Variants in FRAS1 observed in about 807,000 individuals in gnomAD.
FRAS1 encodes extracellular matrix organizing protein FRAS1.
In FRAS1, 290 loss-of-function variants were observed where a neutral mutation model predicts 435.2. The observed-to-expected ratio is 0.67, with a 90% CI of 0.61 to 0.73. The LOEUF (loss-of-function observed/expected upper bound fraction) is 0.73, where lower values mean the gene tolerates loss of function less well. Ranked by LOEUF, FRAS1 falls within the 30% of genes least tolerant of loss-of-function variation. The probability of loss-of-function intolerance (pLI) is 0.00; values close to 1 mark genes in which losing one functional copy is unlikely to be tolerated. For missense variants in FRAS1, 4,860 were observed against 5,001.5 expected (o/e 0.97, Z 0.85); for synonymous variants, 1,800 against 1,851.0 (o/e 0.97, Z 0.71).
chr4:78,475,695 C>T, intron 54 of FRAS1, 89 bp downstream of exon 54: 1 of 1,314,700 alleles, frequency 7.6e-7, no homozygotes, highest in Non-Finnish European at 1.0e-6. Flanking sequence ...TTCTTCCCAA[C>T]TTTGCTTTTC....
chr4:78,378,427 C>T (rs1731870259), intron 26 of FRAS1, among the ~76,000 whole-genome samples: 1 of 152,160 alleles, frequency 6.6e-6, no homozygotes, highest in African/African-American at 2.4e-5. Context: ...TTTCAATTCT[C>T]TTGGGTTTAT....
At chr4:78,401,446 G>A (rs1281753940) in intron 30 of FRAS1, among the ~76,000 whole-genome samples, 5 of 152,186 alleles carry the variant, frequency 3.3e-5, no homozygotes, top group African/African-American at 9.7e-5. Flanking sequence ...CAAGGATAGA[G>A]AGAAATCTCC....
intron 42 of FRAS1, 147 bp downstream of exon 42, chr4:78,445,859 A>T: frequency 7.3e-7 from 1 of 1,375,314 alleles, no homozygotes; most frequent in South Asian, 2.2e-5. Context: ...AGCCTTCAGG[A>T]ATCTTGTAGA....
intron 30 of FRAS1, 83 bp from the exon 31 acceptor site, chr4:78,407,580 A>G (rs1436222726): frequency 8.5e-7 from 1 of 1,170,304 alleles, no homozygotes; most frequent in South Asian, 1.7e-5. Flanking sequence ...CTAGTTAAAA[A>G]AAAAATGAGT....
At chr4:78,202,297 GC>G in intron 2 of FRAS1, among the ~76,000 whole-genome samples, 1 of 152,272 alleles carries the variant, frequency 6.6e-6, no homozygotes, top group South Asian at 2.1e-4. Context: ...CCAAATTCGT[GC>G]CCCCTCATTA....
intron 72 of FRAS1, 71 bp from the exon 73 acceptor site, chr4:78,539,223 A>G (rs1721975636): frequency 6.8e-7 from 1 of 1,477,862 alleles, no homozygotes; most frequent in African/African-American, 1.4e-5. Context: ...TTCTCCTCCC[A>G]GTCACTGCCA....
chr4:78,499,350 T>G (rs1187609047), intron 60 of FRAS1, among the ~76,000 whole-genome samples: 2 of 152,208 alleles, frequency 1.3e-5, no homozygotes, highest in Non-Finnish European at 2.9e-5. Flanking sequence ...CAGGTATTTA[T>G]CTAGGGCCTA....
At chr4:78,101,352 C>T (rs1433347068) in intron 2 of FRAS1, among the ~76,000 whole-genome samples, 4 of 152,008 alleles carry the variant, frequency 2.6e-5, no homozygotes, top group Non-Finnish European at 5.9e-5. Flanking sequence ...ATTTTTTTCA[C>T]ATATAGGCAT....
At chr4:78,226,557 A>G (rs1212760348) in intron 2 of FRAS1, among the ~76,000 whole-genome samples, 1 of 151,334 alleles carries the variant, frequency 6.6e-6, no homozygotes, top group Non-Finnish European at 1.5e-5. Context: ...GTTAGCTATC[A>G]GTTTTGGCAT....
At chr4:78,467,834 G>A (rs1325685930) in intron 50 of FRAS1, among the ~76,000 whole-genome samples, 1 of 152,152 alleles carries the variant, frequency 6.6e-6, no homozygotes, top group Non-Finnish European at 1.5e-5. Context: ...GTGATATTGA[G>A]CGTCTTTTCA....
At chr4:78,072,527 A>G (rs1350280448) in intron 2 of FRAS1, among the ~76,000 whole-genome samples, 1 of 152,122 alleles carries the variant, frequency 6.6e-6, no homozygotes, top group African/African-American at 2.4e-5. Flanking sequence ...AAACATCTTG[A>G]ACTTCTCCAG....
At chr4:78,229,792 C>T (rs1724443835) in intron 2 of FRAS1, among the ~76,000 whole-genome samples, 1 of 152,032 alleles carries the variant, frequency 6.6e-6, no homozygotes, top group South Asian at 2.1e-4. Context: ...GGACAATTCA[C>T]TCTGCCTTTT....
chr4:78,335,903 GT>G (rs3086784), intron 19 of FRAS1, among the ~76,000 whole-genome samples: 15,303 of 134,982 alleles, frequency 0.11, 1,043 homozygotes, highest in East Asian at 0.27. Flanking sequence ...GTGTGTGGTG[GT>G]TTTTTTTTTT....
In FRAS1 at chr4:78,511,322, G is replaced by A; in HGVS notation, c.9829G>A (p.Ala3277Thr). ...CCGGAGGTTCCATGTGCGTTGTGTG[G>A]CCAAGGCTGTGGACAAGGTGGGCCA... is the stretch of plus-strand genomic sequence containing the variant. ...FSRRFHVRCV[A>T]KAVDKVGHVG... The change falls in exon 64 of 74, where the codon GCC becomes ACC. Residue 3277 changes from alanine (A) to threonine (T), a missense_variant. Ala to Thr is a moderately conservative substitution (Grantham distance 58). Transcript: ENST00000512123. 7 of 1,612,672 alleles carry A rather than the reference G, an allele frequency of 4.3e-6. No individual in the cohort carries two copies. The highest frequency in any genetic ancestry group is 5.9e-6 in the Non-Finnish European group (7 of 1,178,942).
rs781132528 is a variant in FRAS1 at position 78,464,539 on chromosome 4, A to T, written c.6985A>T (p.Thr2329Ser). The stretch of plus-strand genomic sequence containing the variant: ...GCGGGTGCAGGAGGGCATGAGGAAG[A>T]CCATCACAGAGTTTGAGCTTAAGGC... Reference protein sequence around the residue: ...GMRVQEGMRKTITEFELKAVD... With the variant: ...GMRVQEGMRKSITEFELKAVD... The change falls in exon 49 of 74, where the codon ACC becomes TCC. Residue 2329 changes from threonine to serine, a missense_variant. Transcript: ENST00000512123. 3.7e-6 allele frequency: 6 copies of T among 1,613,930 alleles called. No individual in the cohort carries two copies. The East Asian group carries it at 1.1e-4, about 30-fold the overall frequency.
chr4:78,403,525 A>G (rs1732982669), intron 30 of FRAS1, among the ~76,000 whole-genome samples: 1 of 152,204 alleles, frequency 6.6e-6, no homozygotes, highest in Non-Finnish European at 1.5e-5. Context: ...CCAATTACGT[A>G]AATTTGTGGA....
Position 78,369,930 on chromosome 4 carries a change from T to A in FRAS1, c.2815T>A (p.Tyr939Asn), listed in dbSNP as rs777480818. ...GGTTCTGCTCTTTGGGGAATGTCAATACGAGAGCTGCGCCCCACAGTACTA... is the reference window on the plus strand; with the variant it reads ...GGTTCTGCTCTTTGGGGAATGTCAAAACGAGAGCTGCGCCCCACAGTACTA... ...NKVLLFGECQ[Y>N]ESCAPQYYLD... Residue 939 changes from tyrosine to asparagine, a missense_variant, in exon 23 of 74, where the codon TAC (tyrosine) becomes AAC (asparagine). Physicochemically the swap from Tyr to Asn is moderately radical, Grantham distance 143. Transcript: ENST00000512123. 2 of 1,613,768 alleles carry A rather than the reference T, an allele frequency of 1.2e-6. No homozygotes were observed. The highest frequency in any genetic ancestry group is 1.7e-6 in the Non-Finnish European group (2 of 1,179,798).
chr4:78,400,539 A>G (rs1202815891), intron 29 of FRAS1, among the ~76,000 whole-genome samples, 195 bp from the exon 30 acceptor site: 1 of 152,336 alleles, frequency 6.6e-6, no homozygotes, highest in African/African-American at 2.4e-5. Flanking sequence ...AGCAGGATAT[A>G]TACATATGTA....
At chr4:78,339,219 T>G (rs1378589869) in intron 20 of FRAS1, among the ~76,000 whole-genome samples, 1 of 152,246 alleles carries the variant, frequency 6.6e-6, no homozygotes, top group Non-Finnish European at 1.5e-5. Context: ...TTTGCATGTT[T>G]GAGTTTAGCT....
Sources: allele counts gnomAD v4.1 joint callset (sites outside exome capture counted in the v4.1 genomes callset), GRCh38; gene constraint gnomAD v4.1.1; transcripts MANE v1.5; gene names NCBI Gene and HGNC (gene_info 2026-07-23, HGNC 2026-07-21).